The following MRE11 variants were observed in gnomAD, a reference collection of about 807,000 sequenced individuals.
MRE11 encodes MRE11 double strand break repair nuclease, also known as double-strand break repair protein MRE11.
A neutral mutation model predicts 91.7 loss-of-function variants in MRE11; 62 were observed. That is an observed-to-expected ratio of 0.68 (90% CI 0.55 to 0.84). The LOEUF (loss-of-function observed/expected upper bound fraction) is 0.84, where lower values mean the gene tolerates loss of function less well. Ranked by LOEUF, MRE11 falls within the 40% of genes least tolerant of loss-of-function variation. The pLI is 0.00. For synonymous variants in MRE11, 273 were observed against 271.4 expected (o/e 1.01, Z -0.06); for missense variants, 796 against 852.9 (o/e 0.93, Z 0.83).
intron 10 of MRE11, among the ~76,000 whole-genome samples, chr11:94,465,599 T>C (rs1488788935): frequency 6.6e-6 from 1 of 152,064 alleles, no homozygotes; most frequent in Non-Finnish European, 1.5e-5. Flanking sequence ...TTTTGCCATG[T>C]TGCCCAGGCT....
chr11:94,435,373 G>A (rs1164651946), intron 18 of MRE11, among the ~76,000 whole-genome samples: 1 of 152,006 alleles, frequency 6.6e-6, no homozygotes, highest in Non-Finnish European at 1.5e-5. Context: ...TGGGCAACAT[G>A]GCAAAACCCT....
chr11:94,418,731 A>G lies in MRE11; in HGVS notation c.*1394T>C, dbSNP rs1432643944. ...CTGCCTAAGAATATTTCACAGGACA[A>G]TGCCTTCCACTGAGTTAATGTTACT... On this transcript the variant is annotated 3_prime_UTR_variant, in exon 20 of 20. Coordinates refer to ENST00000323929, the MANE Select transcript of MRE11 (RefSeq NM_005591.4). 4.3e-6 allele frequency: 1 copy of G among 232,296 alleles called. No homozygotes were observed. The highest frequency in any genetic ancestry group is 5.6e-5 in the Admixed American group (1 of 17,746). The allele number at this position is 232,296 out of a possible 1,614,324, so 14.4% of individuals were successfully genotyped here. A position where few individuals can be genotyped will look rare whatever the true frequency, so the allele number is the denominator to read the frequency against.
chr11:94,439,598 T>C lies in MRE11; in HGVS notation c.1868-2363A>G, dbSNP rs559756678. On this transcript the variant is annotated intron_variant, in intron 16 of 19. Transcript: ENST00000323929. ...AAATTACTCTGAAGTCAGTACAACA[T>C]TGTCAAATTTTATAGCTAAGGGATC... Among the ~76,000 whole-genome samples the C allele has an allele frequency of 2.6e-4, 39 of 152,334 alleles. 1 individual carries two copies. The highest frequency in any genetic ancestry group is 3.4e-3 in the Middle Eastern group (1 of 294).
In MRE11 at chr11:94,470,589, G is replaced by A; in HGVS notation, c.899C>T (p.Pro300Leu). The A allele has an allele frequency of 6.2e-7, 1 of 1,613,208 alleles. No individual in the cohort carries two copies. Among genetic ancestry groups the A allele is most frequent in the Non-Finnish European group, 8.5e-7 (1 of 1,179,396 alleles). ...GAAAAACTGCCGCACTGTGTGAAGAGGAATTTTATGCATATTCATCTTCCT... is the reference window on the plus strand; with the variant it reads ...GAAAAACTGCCGCACTGTGTGAAGAAGAATTTTATGCATATTCATCTTCCT... ...KGRKMNMHKI[P>L]LHTVRQFFME... Residue 300 changes from proline to leucine, a missense_variant, in exon 9 of 20, where the codon CCT becomes CTT. By Grantham distance (98) the Pro-to-Leu change is moderately conservative (BLOSUM62 -3). Transcript: ENST00000323929.
At chr11:94,501,195 G>A in the MRE11 span, among the ~76,000 whole-genome samples, 22 of 152,272 alleles carry the variant, frequency 1.4e-4, 1 homozygote, top group African/African-American at 4.3e-4. Flanking sequence ...GCTGATTGAT[G>A]TTTTAAATTC....
At position 94,428,996 on chromosome 11, in the gene MRE11, A is replaced by C. The variant is rs1945395495; in HGVS notation, c.2070+915T>G. On this transcript the variant is annotated intron_variant, in intron 19 of 19. Coordinates refer to ENST00000323929, the MANE Select transcript of MRE11 (RefSeq NM_005591.4). ...TAAAAGGAATGTAAATAAATCAGTA[A>C]GGAAAAATCAAATAACTGCATCAGA... 2.0e-5 allele frequency among the ~76,000 whole-genome samples: 3 copies of C among 152,344 alleles called. No homozygotes were observed. The South Asian group carries it at 6.2e-4, about 32-fold the overall frequency.
the MRE11 span, among the ~76,000 whole-genome samples, chr11:94,503,325 A>C: frequency 6.6e-6 from 1 of 152,298 alleles, no homozygotes; most frequent in African/African-American, 2.4e-5. Context: ...TCATGCAATA[A>C]GGAGAGAATT....
At chr11:94,496,868 A>G (rs755900298), upstream of MRE11, 1 of 1,613,976 alleles carries the variant, frequency 6.2e-7, no homozygotes, top group Admixed American at 1.7e-5. Context: ...AGATGACAAA[A>G]ATGAAGAGTG....
intron 3 of MRE11, among the ~76,000 whole-genome samples, chr11:94,486,897 A>G (rs1426348459): frequency 6.6e-6 from 1 of 152,218 alleles, no homozygotes; most frequent in African/African-American, 2.4e-5. Flanking sequence ...TTCAAGACGT[A>G]TACGATGCAC....
At chr11:94,497,999 C>T, upstream of MRE11, 1 of 1,197,164 alleles carries the variant, frequency 8.4e-7, no homozygotes, top group South Asian at 1.6e-5. Flanking sequence ...AATCTAACAC[C>T]ACAAGACAAT....
rs780001540 is a variant in MRE11 at position 94,459,461 on chromosome 11, G to A, written c.1447C>T (p.Arg483Ter). Residue 483 changes from arginine (R) to a stop codon, truncating the protein, a stop_gained, in exon 13 of 20, where the codon CGA (arginine) becomes TGA (stop). Transcript: ENST00000323929. LOFTEE classifies it high-confidence loss of function. Reference sequence around the variant, plus strand: ...TCAATATGACGTTCTTTAAGAAATCGCTGTGTTTTTTCCAACTGGTATTTC... The same window carrying A: ...TCAATATGACGTTCTTTAAGAAATCACTGTGTTTTTTCCAACTGGTATTTC... ...LVKYQLEKTQRFLKERHIDAL... is the reference protein window; with the variant it reads ...LVKYQLEKTQ The A allele has an allele frequency of 3.7e-6, 6 of 1,613,902 alleles. No homozygotes were observed. The highest frequency in any genetic ancestry group is 1.7e-4 in the Middle Eastern group (1 of 6,054).
At chr11:94,472,401 C>A (rs1207002457) in intron 7 of MRE11, among the ~76,000 whole-genome samples, 1 of 152,080 alleles carries the variant, frequency 6.6e-6, no homozygotes, top group Non-Finnish European at 1.5e-5. Flanking sequence ...AAAGTGTTCA[C>A]ATAGTTTAAC....
rs182128639 is a variant in MRE11, at chr11:94,417,594, T to A, written c.*2531A>T. 8.0e-4 allele frequency: 187 copies of A among 233,040 alleles called. No homozygotes were observed. The highest frequency in any genetic ancestry group is 7.6e-3 in the Middle Eastern group (6 of 786). The allele number at this position is 233,040 out of a possible 1,614,324, so 14.4% of individuals were successfully genotyped here. On this transcript the variant is annotated 3_prime_UTR_variant, in exon 20 of 20. Transcript: ENST00000323929. Reference sequence around the variant, plus strand: ...CAGAAGCACCACCTTGTGGCAAAAGTAGGAGCTTTTAAATTACAGAAGTTA... The same window carrying A: ...CAGAAGCACCACCTTGTGGCAAAAGAAGGAGCTTTTAAATTACAGAAGTTA...
intron 13 of MRE11, among the ~76,000 whole-genome samples, chr11:94,458,735 A>T (rs1047451184): frequency 1.3e-5 from 2 of 152,160 alleles, no homozygotes; most frequent in Non-Finnish European, 2.9e-5. Flanking sequence ...AATTTGACAA[A>T]CAAAAGATGT....
In MRE11 at chr11:94,480,669, T is replaced by C. The variant is rs77300195; in HGVS notation, c.315-908A>G. ...GATAGGTGCTGCCAATTTCCCACCA[T>C]AGAGATTTACACATAATGCAATGGC... is the stretch of plus-strand genomic sequence containing the variant. On this transcript the variant is annotated intron_variant, in intron 4 of 19. Transcript: ENST00000323929. 4.2e-3 allele frequency among the ~76,000 whole-genome samples: 641 copies of C among 152,214 alleles called. 5 individuals carry two copies. Among genetic ancestry groups the C allele is most frequent in the Non-Finnish European group, 7.3e-3 (498 of 68,010 alleles).
At chr11:94,490,734 C>T (rs1947262021) in intron 3 of MRE11, 99 bp downstream of exon 3, 2 of 1,376,676 alleles carry the variant, frequency 1.5e-6, no homozygotes, top group Admixed American at 1.7e-5. Context: ...GCAAGGTAAG[C>T]ACCTGAGCTT....
chr11:94,510,749 C>G, the MRE11 span, among the ~76,000 whole-genome samples: 757 of 152,264 alleles, frequency 5.0e-3, 7 homozygotes, highest in African/African-American at 0.017. Flanking sequence ...CTTCTGATAG[C>G]CGAAGGGCTT....
chr11:94,498,131 G>A (rs977713931), upstream of MRE11: 1 of 1,614,118 alleles, frequency 6.2e-7, no homozygotes, highest in Non-Finnish European at 8.5e-7. Context: ...TAGGGATGAA[G>A]ATGAGTATAC....
intron 4 of MRE11, among the ~76,000 whole-genome samples, chr11:94,485,273 A>T (rs2135119040): frequency 6.6e-6 from 1 of 152,242 alleles, no homozygotes; most frequent in Non-Finnish European, 1.5e-5. Flanking sequence ...GAAAAAACAC[A>T]TGATGATATT....
Sources: gnomAD v4.1 joint callset for allele counts (sites outside exome capture counted in the v4.1 genomes callset) on GRCh38, gnomAD v4.1.1 for gene constraint, MANE v1.5 for transcripts, NCBI Gene and HGNC (gene_info 2026-07-23, HGNC 2026-07-21) for gene names.